PDZRN4: variants seen among roughly 807,000 people sequenced by gnomAD.
The protein encoded by PDZRN4 is PDZ domain containing ring finger 4, also known as PDZ domain-containing RING finger protein 4.
In PDZRN4, 70 loss-of-function variants were observed where a neutral mutation model predicts 99.0. The observed-to-expected ratio is 0.71, with a 90% CI of 0.58 to 0.86. The LOEUF is 0.86. Among genes scored for constraint, PDZRN4 ranks in the 40% least tolerant of loss-of-function variants. The pLI, the probability that PDZRN4 is intolerant of heterozygous loss-of-function variation, is 0.00. For missense variants in PDZRN4, 1,474 were observed against 1,331.2 expected (o/e 1.11, Z -1.67); for synonymous variants, 551 against 501.6 (o/e 1.10, Z -1.32).
chr12:41,244,218 A>C (rs1566389443), intron 3 of PDZRN4, among the ~76,000 whole-genome samples: 1 of 151,892 alleles, frequency 6.6e-6, no homozygotes, highest in Non-Finnish European at 1.5e-5. Flanking sequence ...CCTCAGAGTC[A>C]CCCTTGTCTC....
intron 3 of PDZRN4, among the ~76,000 whole-genome samples, chr12:41,270,286 G>GT (rs71081720): frequency 3.4e-5 from 5 of 145,446 alleles, no homozygotes; most frequent in African/African-American, 1.1e-4. Flanking sequence ...CTGTGTGTGT[G>GT]GTGTGTGTGT....
intron 3 of PDZRN4, among the ~76,000 whole-genome samples, chr12:41,306,216 G>T (rs1326542953): frequency 6.6e-6 from 1 of 152,158 alleles, no homozygotes; most frequent in African/African-American, 2.4e-5. Context: ...GTGGCTCTCT[G>T]TGGTAGCCCT....
At chr12:41,310,563 C>T (rs1951599936) in intron 3 of PDZRN4, among the ~76,000 whole-genome samples, 1 of 152,106 alleles carries the variant, frequency 6.6e-6, no homozygotes, top group Non-Finnish European at 1.5e-5. Flanking sequence ...ATTATAACTA[C>T]ATTGATGGTT....
At chr12:41,508,025 T>A (rs1166743589) in intron 4 of PDZRN4, among the ~76,000 whole-genome samples, 1 of 152,172 alleles carries the variant, frequency 6.6e-6, no homozygotes, top group Non-Finnish European at 1.5e-5. Context: ...AATAGCTAGC[T>A]TGTATTAGCT....
At chr12:41,454,080 A>G (rs1164222223) in intron 3 of PDZRN4, among the ~76,000 whole-genome samples, 1 of 151,398 alleles carries the variant, frequency 6.6e-6, no homozygotes, top group Non-Finnish European at 1.5e-5. Context: ...GGCTCATTTT[A>G]TGCTCTGTGA....
At chr12:41,321,109 A>C (rs1951674384) in intron 3 of PDZRN4, among the ~76,000 whole-genome samples, 1 of 152,188 alleles carries the variant, frequency 6.6e-6, no homozygotes. Context: ...CATACTGGGA[A>C]ACCTAATAGT....
intron 3 of PDZRN4, among the ~76,000 whole-genome samples, chr12:41,250,903 G>T (rs763724650): frequency 6.6e-6 from 1 of 152,152 alleles, no homozygotes; most frequent in Non-Finnish European, 1.5e-5. Context: ...ACAAAGAACT[G>T]CTGCTTGAGT....
chr12:41,552,789 G>T, intron 6 of PDZRN4, 35 bp downstream of exon 6: 2 of 1,501,858 alleles, frequency 1.3e-6, no homozygotes, highest in South Asian at 1.1e-5. Context: ...TTCGAGGAGG[G>T]AGACTAGGAA....
chr12:41,389,578 C>G (rs899405213), intron 3 of PDZRN4, among the ~76,000 whole-genome samples: 2 of 152,256 alleles, frequency 1.3e-5, no homozygotes, highest in South Asian at 2.1e-4. Flanking sequence ...TAGAGATTAT[C>G]TAGTGCAATC....
chr12:41,436,538 T>A (rs1053665733), intron 3 of PDZRN4, among the ~76,000 whole-genome samples: 5 of 152,176 alleles, frequency 3.3e-5, no homozygotes, highest in Non-Finnish European at 7.4e-5. Flanking sequence ...CAAGTAATTA[T>A]TTTTGCTTTG....
chr12:41,531,321 G>A (rs1361939183), intron 5 of PDZRN4, among the ~76,000 whole-genome samples: 2 of 152,112 alleles, frequency 1.3e-5, no homozygotes, highest in South Asian at 2.1e-4. Flanking sequence ...CAAACTCCAC[G>A]TCATTCCGCC....
At chr12:41,362,886 T>C (rs1246640192) in intron 3 of PDZRN4, among the ~76,000 whole-genome samples, 2 of 152,132 alleles carry the variant, frequency 1.3e-5, no homozygotes, top group Non-Finnish European at 2.9e-5. Context: ...AAAACTCAAG[T>C]TCAAATGTTA....
At chr12:41,484,344 G>A (rs1011449338) in intron 3 of PDZRN4, among the ~76,000 whole-genome samples, 1 of 152,178 alleles carries the variant, frequency 6.6e-6, no homozygotes, top group African/African-American at 2.4e-5. Flanking sequence ...TCTTCTTACT[G>A]CAACCAACCA....
rs77553417 is a variant in PDZRN4 at position 41,241,153 on chromosome 12, C to A, written c.843+46965C>A. ...TTTTTTAATATATTTTGGAATATACCTTTATGGGTACAGTATCCCTCATCC... is the reference window on the plus strand; with the variant it reads ...TTTTTTAATATATTTTGGAATATACATTTATGGGTACAGTATCCCTCATCC... On this transcript the variant is annotated intron_variant, in intron 3 of 9. Transcript: ENST00000402685. Among the ~76,000 whole-genome samples, 3 of 151,888 alleles carry A rather than the reference C, an allele frequency of 2.0e-5. No homozygotes were observed. The East Asian group carries it at 5.8e-4, about 29-fold the overall frequency.
At chr12:41,518,777 C>A (rs371742423) in intron 5 of PDZRN4, among the ~76,000 whole-genome samples, 4 of 151,904 alleles carry the variant, frequency 2.6e-5, no homozygotes, top group East Asian at 2.0e-4. Flanking sequence ...TGTAGTGAGA[C>A]CCCGTATCTA....
At chr12:41,331,252 C>A (rs1177929200) in intron 3 of PDZRN4, among the ~76,000 whole-genome samples, 1 of 151,968 alleles carries the variant, frequency 6.6e-6, no homozygotes, top group Non-Finnish European at 1.5e-5. Flanking sequence ...TAAGACCTGT[C>A]TTATGGTTTT....
At chr12:41,489,627 A>G (rs1937844997) in intron 3 of PDZRN4, among the ~76,000 whole-genome samples, 1 of 151,958 alleles carries the variant, frequency 6.6e-6, no homozygotes, top group African/African-American at 2.4e-5. Context: ...TTTTATTTTG[A>G]AAGATTTAGA....
chr12:41,285,052 T>A (rs928379983), intron 3 of PDZRN4, among the ~76,000 whole-genome samples: 1 of 151,894 alleles, frequency 6.6e-6, no homozygotes. Context: ...AAAGAAACTA[T>A]CATCAGAGTG....
At chr12:41,368,120 G>A (rs1157821809) in intron 3 of PDZRN4, among the ~76,000 whole-genome samples, 3 of 151,990 alleles carry the variant, frequency 2.0e-5, no homozygotes, top group Admixed American at 2.0e-4. Context: ...TAAAATCAAA[G>A]TAGAGAAAGA....
Sources: gnomAD v4.1 joint callset for allele counts (sites outside exome capture counted in the v4.1 genomes callset) on GRCh38, gnomAD v4.1.1 for gene constraint, MANE v1.5 for transcripts, NCBI Gene and HGNC (gene_info 2026-07-23, HGNC 2026-07-21) for gene names.